FRMD4A: variants seen among roughly 807,000 people sequenced by gnomAD.
FRMD4A encodes the protein FERM domain-containing protein 4A.
In FRMD4A, 29 loss-of-function variants were observed where a neutral mutation model predicts 129.1. That is an observed-to-expected ratio of 0.22 (90% CI 0.17 to 0.31). The LOEUF is 0.31. FRMD4A is among the 10% of genes least tolerant of loss of function. The pLI is 1.00. For missense variants in FRMD4A, 1,272 were observed against 1,375.8 expected, an observed-to-expected ratio of 0.92 and a Z score of 1.19; for synonymous variants, 634 against 571.6, an observed-to-expected ratio of 1.11 and a Z score of -1.56.
At chr10:14,227,110 G>A (rs140257528) in intron 2 of FRMD4A, among the ~76,000 whole-genome samples, 2 of 152,156 alleles carry the variant, frequency 1.3e-5, no homozygotes, top group East Asian at 1.9e-4. Flanking sequence ...TTCCCTGAAG[G>A]TGCCAAGCTT....
intron 2 of FRMD4A, among the ~76,000 whole-genome samples, chr10:14,182,419 T>G (rs1841943018): frequency 6.6e-6 from 1 of 152,312 alleles, no homozygotes; most frequent in African/African-American, 2.4e-5. Flanking sequence ...AGGTGGCACA[T>G]GCCTATAGTT....
chr10:13,977,161 T>C (rs983312241), intron 2 of FRMD4A, among the ~76,000 whole-genome samples: 1 of 152,204 alleles, frequency 6.6e-6, no homozygotes, highest in African/African-American at 2.4e-5. Context: ...GAAATGCCCA[T>C]CGGTCGTATT....
intron 2 of FRMD4A, among the ~76,000 whole-genome samples, chr10:14,061,087 G>A (rs566298853): frequency 1.8e-4 from 27 of 152,166 alleles, no homozygotes; most frequent in African/African-American, 5.1e-4. Context: ...AGCCAAAATC[G>A]CCAACATTTT....
intron 2 of FRMD4A, among the ~76,000 whole-genome samples, chr10:13,953,476 G>C (rs1201291235): frequency 6.6e-6 from 1 of 152,166 alleles, no homozygotes; most frequent in Non-Finnish European, 1.5e-5. Context: ...TAAATTGCAT[G>C]TCATTCTGAA....
At chr10:14,164,268 T>C (rs1841053558) in intron 2 of FRMD4A, among the ~76,000 whole-genome samples, 2 of 152,134 alleles carry the variant, frequency 1.3e-5, no homozygotes, top group Admixed American at 6.5e-5. Flanking sequence ...TGTTGAGAAA[T>C]AGGCCAGCCG....
At chr10:13,930,000 T>C (rs1461492109) in intron 2 of FRMD4A, among the ~76,000 whole-genome samples, 1 of 152,166 alleles carries the variant, frequency 6.6e-6, no homozygotes, top group Non-Finnish European at 1.5e-5. Flanking sequence ...ACCAAAAGGA[T>C]TATAATAATT....
At chr10:13,722,719 T>G (rs1486073674) in intron 12 of FRMD4A, among the ~76,000 whole-genome samples, 1 of 152,204 alleles carries the variant, frequency 6.6e-6, no homozygotes, top group Admixed American at 6.5e-5. Flanking sequence ...GAGAGGGCCA[T>G]GAGCAGACCA....
chr10:14,130,055 C>T (rs573104256), intron 2 of FRMD4A, among the ~76,000 whole-genome samples: 12 of 152,190 alleles, frequency 7.9e-5, no homozygotes, highest in East Asian at 3.9e-4. Flanking sequence ...GCAGCGCTTG[C>T]GGGCCTGCTT....
chr10:14,250,245 G>C (rs926414727), intron 2 of FRMD4A, among the ~76,000 whole-genome samples: 6 of 152,214 alleles, frequency 3.9e-5, no homozygotes, highest in Non-Finnish European at 8.8e-5. Flanking sequence ...ACAGGTGTAA[G>C]CCACTGTGCC....
intron 12 of FRMD4A, among the ~76,000 whole-genome samples, chr10:13,709,550 A>G (rs1458742250): frequency 6.7e-6 from 1 of 148,194 alleles, no homozygotes; most frequent in Admixed American, 6.6e-5. Context: ...AAAAAAAAAT[A>G]TGTGTGTGCT....
At chr10:14,249,963 CTTTA>C (rs753346292) in intron 2 of FRMD4A, among the ~76,000 whole-genome samples, 4 of 152,102 alleles carry the variant, frequency 2.6e-5, no homozygotes, top group East Asian at 1.9e-4. Flanking sequence ...CTTGTTTTTA[CTTTA>C]TTTATTTATT....
intron 4 of FRMD4A, among the ~76,000 whole-genome samples, chr10:13,807,099 G>A (rs771070708): frequency 1.3e-5 from 2 of 152,146 alleles, no homozygotes; most frequent in African/African-American, 4.8e-5. Flanking sequence ...GAGCCACCGC[G>A]CCTGGCCAAT....
At chr10:14,033,269 T>C (rs1833335011) in intron 2 of FRMD4A, among the ~76,000 whole-genome samples, 1 of 150,392 alleles carries the variant, frequency 6.6e-6, no homozygotes, top group African/African-American at 2.5e-5. Flanking sequence ...ATTGTGCCAC[T>C]GCACTCCAGA....
intron 24 of FRMD4A, 80 bp from the exon 25 acceptor site, chr10:13,647,115 A>T (rs1406600956): frequency 5.1e-6 from 1 of 195,362 alleles, no homozygotes. Flanking sequence ...ACTGAGAAGG[A>T]TATGTTCACC....
At chr10:13,652,273 A>C in intron 23 of FRMD4A, 1 of 438,308 alleles carries the variant, frequency 2.3e-6, no homozygotes, top group South Asian at 2.5e-5. Context: ...ATTTGGCTTG[A>C]GTCCTCACTA....
intron 15 of FRMD4A, chr10:13,685,548 A>T (rs2084992344): frequency 2.0e-6 from 2 of 985,116 alleles, no homozygotes; most frequent in African/African-American, 1.7e-5. Flanking sequence ...TTTGCAGGTT[A>T]ACTGTGAATT....
Position 13,714,027 on chromosome 10 carries a change from C to CATATATATAAAATATATATTATATATAT in FRMD4A, c.760-6915_760-6914insATATATATAATATATATTTTATATATAT, listed in dbSNP as rs1554858885. Reference sequence around the variant, plus strand: ...ATATAATATACATATATAAAATATACATATATATATATATATATATATATA... The same window carrying CATATATATAAAATATATATTATATATAT: ...ATATAATATACATATATAAAATATACATATATATAAAATATATATTATATATATATATATATATATATATATATATATA... On this transcript the variant is annotated intron_variant, in intron 12 of 24. Coordinates refer to ENST00000357447, the MANE Select transcript of FRMD4A (RefSeq NM_018027.5). 8.0e-4 allele frequency among the ~76,000 whole-genome samples: 25 copies of CATATATATAAAATATATATTATATATAT among 31,166 alleles called. 3 individuals are homozygous for CATATATATAAAATATATATTATATATAT. In the East Asian group the frequency reaches 0.021, roughly 26 times the overall value. 20.4% of individuals were successfully genotyped at this position (31,166 alleles called of 152,430 possible).
chr10:13,890,376 G>A (rs560971892), intron 2 of FRMD4A: 1 of 205,024 alleles, frequency 4.9e-6, no homozygotes, highest in Admixed American at 6.5e-5. Context: ...TACTTCCCCA[G>A]GGTCAGCAGT....
intron 12 of FRMD4A, among the ~76,000 whole-genome samples, chr10:13,730,941 T>C (rs147477008): frequency 6.6e-6 from 1 of 151,334 alleles, no homozygotes; most frequent in African/African-American, 2.4e-5. Flanking sequence ...ACCAGCAGAA[T>C]TGCTTGAACC....
Sources: gnomAD v4.1 joint callset for allele counts (sites outside exome capture counted in the v4.1 genomes callset) on GRCh38, gnomAD v4.1.1 for gene constraint, MANE v1.5 for transcripts, NCBI Gene and HGNC (gene_info 2026-07-23, HGNC 2026-07-21) for gene names.